Variants in MTMR10 observed in about 807,000 individuals in gnomAD.
MTMR10 encodes myotubularin related protein 10.
In MTMR10, 56 loss-of-function variants were observed where a neutral mutation model predicts 88.1. The ratio of observed to expected loss-of-function variants is 0.64; its 90% CI spans 0.51 to 0.79. The LOEUF is 0.79. Ranked by LOEUF, MTMR10 falls within the 30% of genes least tolerant of loss-of-function variation. MTMR10 has a pLI of 0.00. For synonymous variants in MTMR10, 380 were observed against 340.9 expected, an observed-to-expected ratio of 1.11 and a Z score of -1.26; for missense variants, 883 against 924.7, an observed-to-expected ratio of 0.95 and a Z score of 0.58.
intron 14 of MTMR10, among the ~76,000 whole-genome samples, chr15:30,944,254 A>G (rs1309150672): frequency 6.6e-6 from 1 of 152,138 alleles, no homozygotes; most frequent in Admixed American, 6.5e-5. Flanking sequence ...TTCATTAAGC[A>G]CCAAATACAC....
Position 30,941,251 on chromosome 15 carries a change from G to C in MTMR10, c.*219C>G. ...AGTTTGATCACGGTTACAAGAGCCA[G>C]ACCTGTAATGACAGAAAGAGGACAG... is the stretch of plus-strand genomic sequence containing the variant. On this transcript the variant is annotated 3_prime_UTR_variant, in exon 16 of 16. Coordinates refer to ENST00000435680, the MANE Select transcript of MTMR10 (RefSeq NM_017762.3). 1 of 1,455,538 alleles carries C rather than the reference G, an allele frequency of 6.9e-7. No homozygotes were observed. The highest frequency in any genetic ancestry group is 9.1e-7 in the Non-Finnish European group (1 of 1,096,936). 90.2% of individuals were successfully genotyped at this position (1,455,538 alleles called of 1,614,324 possible). A position where few individuals can be genotyped will look rare whatever the true frequency, so the allele number is the denominator to read the frequency against.
chr15:30,927,296 A>T, the MTMR10 span: 5 of 985,456 alleles, frequency 5.1e-6, no homozygotes, highest in Non-Finnish European at 6.0e-6. Context: ...CGGAACACTG[A>T]CTGGAAATCA....
intron 12 of MTMR10, among the ~76,000 whole-genome samples, chr15:30,951,353 C>T (rs72710424): frequency 6.6e-6 from 1 of 152,046 alleles, no homozygotes; most frequent in South Asian, 2.1e-4. Flanking sequence ...AGCAAAATTA[C>T]AGAGAGAGAA....
chr15:30,966,113 T>C (rs911783026), intron 6 of MTMR10: 3 of 445,294 alleles, frequency 6.7e-6, no homozygotes, highest in Admixed American at 2.4e-5. Flanking sequence ...GCCAGTGTTA[T>C]GTTTATGAGG....
the MTMR10 span, among the ~76,000 whole-genome samples, chr15:30,921,134 G>A: frequency 6.6e-6 from 1 of 152,146 alleles, no homozygotes; most frequent in African/African-American, 2.4e-5. Flanking sequence ...TAGGCAGCCC[G>A]CTGTCTCTTG....
At chr15:30,936,017 G>A (rs569935215), downstream of MTMR10, among the ~76,000 whole-genome samples, 3 of 151,962 alleles carry the variant, frequency 2.0e-5, no homozygotes, top group Non-Finnish European at 4.4e-5. Context: ...TTTTCTTTAA[G>A]TATTTTTTTT....
At chr15:30,928,727 C>T in the MTMR10 span, 55 of 1,604,164 alleles carry the variant, frequency 3.4e-5, no homozygotes, top group African/African-American at 5.0e-4. Flanking sequence ...ACCTGGGCAC[C>T]GTGTGTCCAC....
At chr15:30,956,104 T>A (rs2063324401) in intron 9 of MTMR10, 1 of 152,194 alleles carries the variant, frequency 6.6e-6, no homozygotes, top group African/African-American at 2.4e-5. Context: ...ATTCTAAAAT[T>A]TTGGTGCAAT....
intron 6 of MTMR10, among the ~76,000 whole-genome samples, chr15:30,966,253 A>T (rs527444216): frequency 6.6e-6 from 1 of 152,370 alleles, no homozygotes; most frequent in Non-Finnish European, 1.5e-5. Flanking sequence ...TGTAGATTTT[A>T]AAATTCCAGT....
chr15:30,980,562 G>GT (rs1313558048), intron 2 of MTMR10, among the ~76,000 whole-genome samples: 1 of 152,210 alleles, frequency 6.6e-6, no homozygotes, highest in Non-Finnish European at 1.5e-5. Context: ...GCTAAAAGCA[G>GT]TGACGCTCCA....
At chr15:30,938,452 T>C (rs1308571548), downstream of MTMR10, among the ~76,000 whole-genome samples, 1 of 152,184 alleles carries the variant, frequency 6.6e-6, no homozygotes, top group Non-Finnish European at 1.5e-5. Context: ...ATGAAGTCTT[T>C]ATCAGAGGCA....
the MTMR10 span, chr15:30,922,172 A>G: frequency 5.1e-6 from 8 of 1,576,188 alleles, no homozygotes; most frequent in South Asian, 5.9e-5. Flanking sequence ...ATGGGCTTGT[A>G]AATATCATTG....
chr15:30,925,310 G>T, the MTMR10 span: 1 of 1,610,022 alleles, frequency 6.2e-7, no homozygotes, highest in Non-Finnish European at 8.5e-7. Flanking sequence ...AGAGCCTGTG[G>T]GTGCTTTGGA....
intron 9 of MTMR10, 83 bp from the exon 10 acceptor site, chr15:30,954,976 G>C (rs2063301679): frequency 8.1e-7 from 1 of 1,241,114 alleles, no homozygotes; most frequent in South Asian, 1.8e-5. Context: ...CCAGGGGATA[G>C]AGAGAGGAAT....
downstream of MTMR10, among the ~76,000 whole-genome samples, chr15:30,934,625 C>T (rs2062803180): frequency 6.6e-6 from 1 of 152,192 alleles, no homozygotes; most frequent in South Asian, 2.1e-4. Flanking sequence ...AAGCAGTTCA[C>T]CTGCCGTGGT....
At chr15:30,928,371 A>G in the MTMR10 span, 5 of 1,426,606 alleles carry the variant, frequency 3.5e-6, no homozygotes, top group Non-Finnish European at 4.6e-6. Context: ...TATAAACAAC[A>G]TACTGTATAA....
chr15:30,954,735 T>C (rs1266877587), intron 10 of MTMR10, 28 bp downstream of exon 10: 4 of 1,567,950 alleles, frequency 2.6e-6, no homozygotes, highest in Non-Finnish European at 2.6e-6. Flanking sequence ...CTGTGTTCAT[T>C]ATATATATGA....
At chr15:30,990,441 G>C (rs144443654) in intron 2 of MTMR10, among the ~76,000 whole-genome samples, 2 of 152,316 alleles carry the variant, frequency 1.3e-5, no homozygotes, top group Admixed American at 1.3e-4. Context: ...TTGGTATAGA[G>C]ACACACACAT....
the MTMR10 span, chr15:30,925,981 G>A: frequency 6.2e-7 from 1 of 1,605,402 alleles, no homozygotes; most frequent in Non-Finnish European, 8.5e-7. Context: ...AGCCCCGGGT[G>A]GACGAGCAGC....
Sources: gnomAD v4.1 joint callset for allele counts (sites outside exome capture counted in the v4.1 genomes callset) on GRCh38, gnomAD v4.1.1 for gene constraint, MANE v1.5 for transcripts, NCBI Gene and HGNC (gene_info 2026-07-23, HGNC 2026-07-21) for gene names.